TRIM24: variants seen among roughly 807,000 people sequenced by gnomAD.
TRIM24 encodes transcription intermediary factor 1-alpha.
A neutral mutation model predicts 123.9 loss-of-function variants in TRIM24; 29 were observed. That is an observed-to-expected ratio of 0.23 (90% confidence interval 0.17 to 0.32). TRIM24 has a LOEUF of 0.32. Among genes scored for constraint, TRIM24 ranks in the 10% least tolerant of loss-of-function variants. TRIM24 has a pLI of 1.00. For missense variants in TRIM24, 932 were observed against 1,295.3 expected (o/e 0.72, Z 4.31); for synonymous variants, 456 against 461.1 (o/e 0.99, Z 0.14).
intron 14 of TRIM24, 26 bp downstream of exon 14, chr7:138,577,614 T>C: frequency 6.4e-7 from 1 of 1,551,138 alleles, no homozygotes; most frequent in Non-Finnish European, 8.7e-7. Flanking sequence ...TGCAATGCTA[T>C]TCCTATGCAT....
intron 1 of TRIM24, among the ~76,000 whole-genome samples, chr7:138,465,006 A>G (rs1795104397): frequency 6.6e-6 from 1 of 152,188 alleles, no homozygotes; most frequent in Admixed American, 6.5e-5. Flanking sequence ...ATCCTAAATG[A>G]ATTTCATGGG....
intron 5 of TRIM24, among the ~76,000 whole-genome samples, chr7:138,527,310 G>A (rs1158019769): frequency 1.3e-5 from 2 of 151,802 alleles, no homozygotes; most frequent in East Asian, 3.9e-4. Context: ...TAATAACATT[G>A]TGTGTAACAA....
intron 11 of TRIM24, among the ~76,000 whole-genome samples, chr7:138,572,284 T>C (rs142757114): frequency 2.7e-4 from 41 of 152,344 alleles, no homozygotes; most frequent in African/African-American, 9.1e-4. Flanking sequence ...TTTAGGATTA[T>C]CCCACAAAGT....
At chr7:138,524,217 AAAG>A (rs1186923126) in intron 4 of TRIM24, among the ~76,000 whole-genome samples, 2 of 152,220 alleles carry the variant, frequency 1.3e-5, no homozygotes, top group African/African-American at 4.8e-5. Flanking sequence ...TAGAAATAAA[AAAG>A]AACTTCCTAA....
At chr7:138,497,358 G>A (rs1192141937) in intron 1 of TRIM24, among the ~76,000 whole-genome samples, 2 of 150,340 alleles carry the variant, frequency 1.3e-5, no homozygotes, top group Non-Finnish European at 3.0e-5. Flanking sequence ...GTGAGCCACC[G>A]CGCCTGGCCG....
In TRIM24 at chr7:138,516,808, G is replaced by GTTTTTTT. The variant is rs1224612357; in HGVS notation, c.631+1453_631+1454insTTTTTTT. On this transcript the variant is annotated intron_variant, in intron 3 of 18. Transcript: ENST00000343526. ...GCATGTATCAAAATGTAGCAAAACCGTTTTGTTTTTTTTTTTTTTTTGAGA... is the reference window on the plus strand; with the variant it reads ...GCATGTATCAAAATGTAGCAAAACCGTTTTTTTTTTTGTTTTTTTTTTTTTTTTGAGA... Among the ~76,000 whole-genome samples, 240 of 131,844 alleles carry GTTTTTTT rather than the reference G, an allele frequency of 1.8e-3. 2 individuals carry two copies. Among genetic ancestry groups the GTTTTTTT allele is most frequent in the African/African-American group, 6.4e-3 (219 of 34,460 alleles). The allele number at this position is 131,844 out of a possible 152,430, so 86.5% of individuals were successfully genotyped here.
chr7:138,578,538 G>T (rs1269932282), intron 14 of TRIM24, among the ~76,000 whole-genome samples: 10 of 130,122 alleles, frequency 7.7e-5, no homozygotes, highest in African/African-American at 2.5e-4. Flanking sequence ...GGTTTTGTGT[G>T]TGTGTGTGTG....
At chr7:138,524,470 T>G (rs1031373293) in intron 4 of TRIM24, among the ~76,000 whole-genome samples, 5 of 152,188 alleles carry the variant, frequency 3.3e-5, no homozygotes, top group East Asian at 1.9e-4. Context: ...AAATCCAATG[T>G]AATTATTAAC....
chr7:138,504,209 C>CGG, intron 1 of TRIM24, 81 bp from the exon 2 acceptor site: 1 of 845,182 alleles, frequency 1.2e-6, no homozygotes, highest in African/African-American at 1.8e-5. Flanking sequence ...TGAAAAAGAA[C>CGG]AAAGTCACAG....
chr7:138,581,553 C>G, intron 16 of TRIM24, 144 bp from the exon 17 acceptor site: 2 of 644,414 alleles, frequency 3.1e-6, no homozygotes, highest in Non-Finnish European at 5.2e-6. Flanking sequence ...GAGCAAAACT[C>G]CGAGAATCAG....
At chr7:138,516,162 C>T (rs1345777499) in intron 3 of TRIM24, among the ~76,000 whole-genome samples, 2 of 152,058 alleles carry the variant, frequency 1.3e-5, no homozygotes, top group Non-Finnish European at 2.9e-5. Context: ...ATTAGCTGGG[C>T]GTGGTGGCGG....
chr7:138,504,149 G>C (rs1796098638), intron 1 of TRIM24, 141 bp from the exon 2 acceptor site: 2 of 470,206 alleles, frequency 4.3e-6, no homozygotes, highest in East Asian at 6.9e-5. Flanking sequence ...TATTTACATA[G>C]ACAATTGTTT....
At chr7:138,533,149 T>A (rs139439283) in intron 6 of TRIM24, among the ~76,000 whole-genome samples, 26,747 of 152,190 alleles carry the variant, frequency 0.18, 3,144 homozygotes, top group Non-Finnish European at 0.26. Context: ...TACAATCATG[T>A]CATCTGCAAA....
At chr7:138,578,888 T>C (rs1244068672) in intron 14 of TRIM24, among the ~76,000 whole-genome samples, 3 of 151,956 alleles carry the variant, frequency 2.0e-5, no homozygotes, top group Non-Finnish European at 4.4e-5. Context: ...TTTTGTATCT[T>C]AGGTATAATT....
At chr7:138,519,044 G>A (rs1336833642) in intron 3 of TRIM24, 145 bp from the exon 4 acceptor site, 14 of 899,564 alleles carry the variant, frequency 1.6e-5, no homozygotes, top group African/African-American at 3.4e-5. Flanking sequence ...CTTAATATCT[G>A]TAATTCTTAG....
intron 1 of TRIM24, among the ~76,000 whole-genome samples, 178 bp from the exon 2 acceptor site, chr7:138,504,112 A>T (rs1025797483): frequency 6.6e-6 from 1 of 152,190 alleles, no homozygotes; most frequent in Non-Finnish European, 1.5e-5. Flanking sequence ...TTAATATTTC[A>T]TGTGTGATGT....
In TRIM24 at chr7:138,558,464, C is replaced by G. The variant is rs760598645; in HGVS notation, c.1530+3498C>G. Reference sequence around the variant, plus strand: ...GAGTAAAGTTACCTTGGGGCATTAGCTCCTTTGCTTCCTACTGCCATTGAT... The same window carrying G: ...GAGTAAAGTTACCTTGGGGCATTAGGTCCTTTGCTTCCTACTGCCATTGAT... On this transcript the variant is annotated intron_variant, in intron 9 of 18. Coordinates refer to ENST00000343526, the MANE Select transcript of TRIM24 (RefSeq NM_015905.3). Among the ~76,000 whole-genome samples the G allele has an allele frequency of 1.5e-4, 23 of 152,142 alleles. 2 individuals carry two copies. Among genetic ancestry groups the G allele is most frequent in the Admixed American group, 1.5e-3 (23 of 15,280 alleles).
intron 6 of TRIM24, among the ~76,000 whole-genome samples, chr7:138,534,331 G>T (rs1796817450): frequency 6.6e-6 from 1 of 152,118 alleles, no homozygotes; most frequent in Admixed American, 6.5e-5. Flanking sequence ...GATCTTTCCT[G>T]CTTTCTCTTG....
rs750956455 is a variant in TRIM24, at chr7:138,504,447, CTTTTTTTTTTTTT to C, written c.483+53_483+65del. On this transcript the variant is annotated intron_variant, in intron 2 of 18. Coordinates refer to ENST00000343526, the MANE Select transcript of TRIM24 (RefSeq NM_015905.3). ...ATCTTGAACCTTTTGCCTGCCAGCT[CTTTTTTTTTTTTT>C]TTTTTTTTTTTTTGAGACAGAGTCT... 32 of 155,216 alleles carry C rather than the reference CTTTTTTTTTTTTT, an allele frequency of 2.1e-4. No individual in the cohort carries two copies. In the East Asian group the frequency reaches 4.5e-3, roughly 22 times the overall value. 9.6% of individuals were successfully genotyped at this position (155,216 alleles called of 1,614,324 possible).
Sources: allele counts gnomAD v4.1 joint callset (sites outside exome capture counted in the v4.1 genomes callset), GRCh38; gene constraint gnomAD v4.1.1; transcripts MANE v1.5; gene names NCBI Gene and HGNC (gene_info 2026-07-23, HGNC 2026-07-21).